Variants in CNTN1 observed in about 807,000 individuals in gnomAD.
CNTN1 encodes the protein contactin 1.
CNTN1 carries 38 observed loss-of-function variants against 126.4 expected under a neutral mutation model. The observed-to-expected ratio is 0.30, with a 90% CI of 0.23 to 0.39. The LOEUF (loss-of-function observed/expected upper bound fraction) is 0.39. Ranked by LOEUF, CNTN1 falls within the 10% of genes least tolerant of loss-of-function variation. The probability of loss-of-function intolerance (pLI) is 1.00; values close to 1 mark genes in which losing one functional copy is unlikely to be tolerated. For synonymous variants in CNTN1, 413 were observed against 422.6 expected, an observed-to-expected ratio of 0.98 and a Z score of 0.28; for missense variants, 1,009 against 1,248.4, an observed-to-expected ratio of 0.81 and a Z score of 2.89.
chr12:40,832,090 T>G (rs1941862174), intron 1 of CNTN1, among the ~76,000 whole-genome samples: 1 of 152,162 alleles, frequency 6.6e-6, no homozygotes, highest in African/African-American at 2.4e-5. Context: ...TATTAGGAAC[T>G]TAGCCACCAG....
At chr12:40,875,796 G>A (rs1485846663) in intron 1 of CNTN1, among the ~76,000 whole-genome samples, 4 of 151,680 alleles carry the variant, frequency 2.6e-5, no homozygotes, top group African/African-American at 9.7e-5. Flanking sequence ...AGGTTTTTTT[G>A]GCTATTAAAT....
chr12:40,925,640 G>T (rs61008118), intron 6 of CNTN1, among the ~76,000 whole-genome samples: 62,154 of 137,000 alleles, frequency 0.45, 14,101 homozygotes, highest in Middle Eastern at 0.49. Context: ...TATATATATA[G>T]AGAGAGAGAG....
chr12:40,893,192 C>T (rs1944300747), intron 1 of CNTN1, among the ~76,000 whole-genome samples: 1 of 151,920 alleles, frequency 6.6e-6, no homozygotes, highest in African/African-American at 2.4e-5. Flanking sequence ...TTATATCACT[C>T]TGCATAGTCA....
At chr12:41,005,665 G>T (rs748438850) in intron 17 of CNTN1, among the ~76,000 whole-genome samples, 1 of 151,882 alleles carries the variant, frequency 6.6e-6, no homozygotes, top group Non-Finnish European at 1.5e-5. Flanking sequence ...ATTTCAGAAA[G>T]CCAGTCTTCA....
At chr12:40,737,447 A>G (rs1385009772) in intron 1 of CNTN1, among the ~76,000 whole-genome samples, 1 of 150,370 alleles carries the variant, frequency 6.7e-6, no homozygotes, top group Admixed American at 6.7e-5. Flanking sequence ...CAAGCTGAGG[A>G]GCAAGGAGAG....
Position 40,862,220 on chromosome 12 carries a change from C to G in CNTN1, c.-76-46137C>G, listed in dbSNP as rs576076521. Among the ~76,000 whole-genome samples the G allele has an allele frequency of 2.0e-5, 3 of 151,822 alleles. No individual in the cohort carries two copies. In the East Asian group the frequency reaches 5.8e-4, roughly 29 times the overall value. The stretch of plus-strand genomic sequence containing the variant: ...CCTTGTCTCTTAATACACACACACA[C>G]ACACACACACACACACGAAATATTT... On this transcript the variant is annotated intron_variant, in intron 1 of 23. Transcript: ENST00000551295.
chr12:40,898,214 C>T (rs1944483535), intron 1 of CNTN1, among the ~76,000 whole-genome samples: 1 of 152,056 alleles, frequency 6.6e-6, no homozygotes, highest in Non-Finnish European at 1.5e-5. Flanking sequence ...TGTTGAGGAG[C>T]TTGTAATTTA....
At chr12:40,790,800 C>T (rs937342262) in intron 1 of CNTN1, among the ~76,000 whole-genome samples, 1 of 152,018 alleles carries the variant, frequency 6.6e-6, no homozygotes, top group Non-Finnish European at 1.5e-5. Flanking sequence ...TTTCTGAAGC[C>T]CCTTTAAAAA....
At chr12:40,840,613 T>A (rs916404982) in intron 1 of CNTN1, among the ~76,000 whole-genome samples, 9 of 108,170 alleles carry the variant, frequency 8.3e-5, no homozygotes, top group African/African-American at 2.8e-4. Flanking sequence ...GTCTCATCAA[T>A]TTTTTTTAAA....
At chr12:40,934,556 T>C (rs10467178) in intron 9 of CNTN1, among the ~76,000 whole-genome samples, 3 of 151,824 alleles carry the variant, frequency 2.0e-5, no homozygotes, top group Non-Finnish European at 4.4e-5. Context: ...ACTGAAATAA[T>C]TTCTATAATG....
At chr12:40,724,421 A>T (rs1283807000) in intron 1 of CNTN1, among the ~76,000 whole-genome samples, 1 of 152,226 alleles carries the variant, frequency 6.6e-6, no homozygotes, top group Non-Finnish European at 1.5e-5. Flanking sequence ...ATATAGGCTG[A>T]TAGATCCTGT....
At chr12:40,849,562 C>G (rs1942642960) in intron 1 of CNTN1, among the ~76,000 whole-genome samples, 1 of 151,962 alleles carries the variant, frequency 6.6e-6, no homozygotes. Context: ...TTAGGAGAAA[C>G]AAAGGTAACT....
intron 1 of CNTN1, among the ~76,000 whole-genome samples, chr12:40,810,470 G>C (rs561697117): frequency 5.3e-5 from 8 of 152,040 alleles, no homozygotes; most frequent in Non-Finnish European, 7.4e-5. Flanking sequence ...CATGTTTTAC[G>C]TGAGGTCTCT....
intron 1 of CNTN1, among the ~76,000 whole-genome samples, chr12:40,746,274 G>T (rs575726364): frequency 6.9e-4 from 105 of 152,064 alleles, no homozygotes; most frequent in African/African-American, 2.5e-3. Flanking sequence ...AATAATCTTG[G>T]CTATTCCAAT....
intron 1 of CNTN1, among the ~76,000 whole-genome samples, chr12:40,774,535 G>C (rs1342093598): frequency 1.3e-5 from 2 of 151,652 alleles, no homozygotes; most frequent in Non-Finnish European, 3.0e-5. Context: ...TCCAAGGAGA[G>C]AAAAACTAAT....
Position 40,918,741 on chromosome 12 carries a change from G to A in CNTN1, c.197G>A (p.Arg66Lys). 1 of 1,613,686 alleles carries A rather than the reference G, an allele frequency of 6.2e-7. No individual in the cohort carries two copies. The change falls in exon 4 of 24, where the codon AGG becomes AAG. Residue 66 changes from arginine to lysine, a missense_variant. Physicochemically the swap from Arg to Lys is conservative, Grantham distance 26. Transcript: ENST00000551295. The part of the protein sequence containing the change: ...SLEGKVSLNC[R>K]ARASPFPVYK... ...GAAGGAAAAGTCTCACTCAACTGTA[G>A]GGCACGAGCCAGCCCTTTCCCGGTT...
chr12:40,956,192 A>G (rs1160603097), intron 14 of CNTN1, among the ~76,000 whole-genome samples: 1 of 152,118 alleles, frequency 6.6e-6, no homozygotes, highest in Non-Finnish European at 1.5e-5. Flanking sequence ...CAAACAAGGC[A>G]TATTTAGCGT....
At chr12:41,006,469 C>T (rs1377198102) in intron 17 of CNTN1, among the ~76,000 whole-genome samples, 1 of 152,174 alleles carries the variant, frequency 6.6e-6, no homozygotes, top group Non-Finnish European at 1.5e-5. Flanking sequence ...GGGCTGGGTA[C>T]TGGTGGGAAA....
At chr12:41,055,979 G>A (rs1949793413) in intron 23 of CNTN1, among the ~76,000 whole-genome samples, 1 of 152,012 alleles carries the variant, frequency 6.6e-6, no homozygotes, top group African/African-American at 2.4e-5. Context: ...GTAGTCAGAA[G>A]AGCCCTGATT....
Sources: gnomAD v4.1 joint callset for allele counts (sites outside exome capture counted in the v4.1 genomes callset) on GRCh38, gnomAD v4.1.1 for gene constraint, MANE v1.5 for transcripts, NCBI Gene and HGNC (gene_info 2026-07-23, HGNC 2026-07-21) for gene names.